The following CDC42BPA variants were observed in gnomAD, a reference collection of about 807,000 sequenced individuals.
CDC42BPA encodes CDC42 binding protein kinase alpha.
A neutral mutation model predicts 223.5 loss-of-function variants in CDC42BPA; 80 were observed. That is an observed-to-expected ratio of 0.36 (90% confidence interval 0.30 to 0.43). The LOEUF (loss-of-function observed/expected upper bound fraction) is 0.43, where lower values mean the gene tolerates loss of function less well. Ranked by LOEUF, CDC42BPA falls within the 20% of genes least tolerant of loss-of-function variation. CDC42BPA has a pLI of 1.00. For synonymous variants in CDC42BPA, 694 were observed against 718.6 expected (o/e 0.97, Z 0.55); for missense variants, 1,743 against 2,099.9 (o/e 0.83, Z 3.32).
chr1:227,023,046 C>G (rs183756698), intron 32 of CDC42BPA, among the ~76,000 whole-genome samples: 1 of 152,282 alleles, frequency 6.6e-6, no homozygotes, highest in Admixed American at 6.5e-5. Context: ...ACATCAGAAT[C>G]AAATACTTAA....
At chr1:227,197,522 T>C (rs1204450530) in intron 4 of CDC42BPA, among the ~76,000 whole-genome samples, 1 of 152,098 alleles carries the variant, frequency 6.6e-6, no homozygotes, top group Non-Finnish European at 1.5e-5. Flanking sequence ...GAAATGTTAA[T>C]CCTAATGTCA....
At chr1:227,101,330 T>C (rs945410815) in intron 14 of CDC42BPA, 91 bp from the exon 15 acceptor site, 2 of 739,920 alleles carry the variant, frequency 2.7e-6, no homozygotes, top group South Asian at 3.1e-5. Flanking sequence ...AGTATTCATA[T>C]AACTGCATTT....
chr1:227,314,267 A>T (rs1295832395), intron 1 of CDC42BPA, among the ~76,000 whole-genome samples: 1 of 152,138 alleles, frequency 6.6e-6, no homozygotes. Context: ...CAAAAAACAT[A>T]GTCTTTCAAA....
chr1:227,193,610 G>A lies in CDC42BPA; in HGVS notation c.599+176C>T, dbSNP rs1266586213. 5 of 558,096 alleles carry A rather than the reference G, an allele frequency of 9.0e-6. No homozygotes were observed. In the East Asian group the frequency reaches 9.0e-5, roughly 10 times the overall value. The allele number at this position is 558,096 out of a possible 1,614,324, so 34.6% of individuals were successfully genotyped here. A position where few individuals can be genotyped will look rare whatever the true frequency, so the allele number is the denominator to read the frequency against. On this transcript the variant is annotated intron_variant, in intron 5 of 36. Coordinates refer to ENST00000366766, the MANE Select transcript of CDC42BPA (RefSeq NM_001394014.1). ...TAAGCAGGCACATCGGTTCTGTAAT[G>A]CTGACAAATAATAACAACAACAAAG...
chr1:227,117,200 G>C (rs190561831), intron 12 of CDC42BPA, among the ~76,000 whole-genome samples: 61 of 152,196 alleles, frequency 4.0e-4, no homozygotes, highest in Admixed American at 3.7e-3. Flanking sequence ...ATAACAATCC[G>C]TTCTATTCTG....
intron 34 of CDC42BPA, among the ~76,000 whole-genome samples, chr1:227,007,391 C>CT (rs1164747400): frequency 1.3e-5 from 2 of 152,020 alleles, no homozygotes; most frequent in African/African-American, 4.8e-5. Flanking sequence ...AAATTGTTTG[C>CT]TTTTTTTCTG....
At chr1:227,245,724 C>T (rs558384483) in intron 2 of CDC42BPA, among the ~76,000 whole-genome samples, 4 of 152,300 alleles carry the variant, frequency 2.6e-5, no homozygotes, top group South Asian at 4.2e-4. Context: ...AAAAGGGAAC[C>T]GGCTGCCTTG....
chr1:227,177,981 CATTT>C (rs749934555), intron 5 of CDC42BPA, among the ~76,000 whole-genome samples: 14 of 151,920 alleles, frequency 9.2e-5, no homozygotes, highest in Non-Finnish European at 2.1e-4. Flanking sequence ...CTAAAATTTC[CATTT>C]GTTTCTTTTA....
chr1:227,082,240 C>T (rs1680838859), intron 16 of CDC42BPA, among the ~76,000 whole-genome samples: 1 of 94,508 alleles, frequency 1.1e-5, no homozygotes, highest in South Asian at 3.9e-4. Context: ...CAGATGGGGT[C>T]TTGGCATGTT....
At chr1:227,285,089 ATTC>A (rs1688614136) in intron 1 of CDC42BPA, among the ~76,000 whole-genome samples, 1 of 152,198 alleles carries the variant, frequency 6.6e-6, no homozygotes, top group South Asian at 2.1e-4. Context: ...ACCTGACAAA[ATTC>A]TTGTTTCTTG....
chr1:227,086,106 CTTCT>C (rs78488211), intron 16 of CDC42BPA, among the ~76,000 whole-genome samples: 10,423 of 152,164 alleles, frequency 0.068, 482 homozygotes, highest in Non-Finnish European at 0.1. Flanking sequence ...TTGTATTGGA[CTTCT>C]TTCACTTAGA....
chr1:227,265,195 C>T (rs927696155), intron 1 of CDC42BPA: 27 of 635,048 alleles, frequency 4.3e-5, no homozygotes, highest in Middle Eastern at 4.2e-4. Flanking sequence ...AACACCAAAG[C>T]GTGCTAAAAG....
chr1:227,126,733 T>C (rs1411417080), intron 11 of CDC42BPA, among the ~76,000 whole-genome samples: 2 of 152,166 alleles, frequency 1.3e-5, no homozygotes, highest in African/African-American at 4.8e-5. Context: ...AGGTTATTTT[T>C]TGAAAATCGT....
chr1:227,070,689 AT>A (rs1223599618), intron 20 of CDC42BPA, among the ~76,000 whole-genome samples: 1 of 151,914 alleles, frequency 6.6e-6, no homozygotes, highest in Non-Finnish European at 1.5e-5. Flanking sequence ...ATAATAGTAA[AT>A]GAAGCATTAA....
intron 30 of CDC42BPA, among the ~76,000 whole-genome samples, chr1:227,027,338 T>A (rs2148625014): frequency 6.6e-6 from 1 of 152,256 alleles, no homozygotes; most frequent in South Asian, 2.1e-4. Flanking sequence ...CTCCCAAACT[T>A]TCTCGCACTG....
chr1:227,118,709 T>C (rs1383350605), intron 12 of CDC42BPA, among the ~76,000 whole-genome samples: 1 of 152,080 alleles, frequency 6.6e-6, no homozygotes, highest in African/African-American at 2.4e-5. Flanking sequence ...TAACGCCGAT[T>C]ATGTTAACTA....
intron 5 of CDC42BPA, among the ~76,000 whole-genome samples, chr1:227,192,595 C>T (rs1313997199): frequency 6.6e-6 from 1 of 152,218 alleles, no homozygotes; most frequent in African/African-American, 2.4e-5. Flanking sequence ...AAGATACTCT[C>T]ATTTGAATGA....
chr1:227,143,976 A>G (rs1660190276), intron 8 of CDC42BPA, among the ~76,000 whole-genome samples: 1 of 152,198 alleles, frequency 6.6e-6, no homozygotes, highest in Non-Finnish European at 1.5e-5. Context: ...AATTGGTAAG[A>G]GAAGTCAGTT....
chr1:227,063,321 T>C (rs1388512386), intron 21 of CDC42BPA, among the ~76,000 whole-genome samples: 5 of 152,090 alleles, frequency 3.3e-5, no homozygotes, highest in Non-Finnish European at 7.4e-5. Flanking sequence ...GTCCATGACA[T>C]GCCAACAAAA....
Sources: gnomAD v4.1 joint callset for allele counts (sites outside exome capture counted in the v4.1 genomes callset) on GRCh38, gnomAD v4.1.1 for gene constraint, MANE v1.5 for transcripts, NCBI Gene and HGNC (gene_info 2026-07-23, HGNC 2026-07-21) for gene names.